TMEM178A: variants seen among roughly 807,000 people sequenced by gnomAD.
TMEM178A encodes the protein transmembrane protein 178A.
TMEM178A carries 12 observed loss-of-function variants against 29.1 expected under a neutral mutation model. That is an observed-to-expected ratio of 0.41 (90% confidence interval 0.26 to 0.67). The LOEUF (loss-of-function observed/expected upper bound fraction) is 0.67. TMEM178A is among the 30% of genes least tolerant of loss of function. The pLI is 0.29. For synonymous variants in TMEM178A, 210 were observed against 187.2 expected, an observed-to-expected ratio of 1.12 and a Z score of -0.99; for missense variants, 366 against 419.1, an observed-to-expected ratio of 0.87 and a Z score of 1.11.
downstream of TMEM178A, among the ~76,000 whole-genome samples, chr2:39,720,746 C>CT (rs1440350878): frequency 6.6e-6 from 1 of 152,160 alleles, no homozygotes; most frequent in African/African-American, 2.4e-5. Flanking sequence ...TAGATAAACT[C>CT]TTTTCTTCCC....
At chr2:39,729,474 G>A in the TMEM178A span, among the ~76,000 whole-genome samples, 1 of 152,156 alleles carries the variant, frequency 6.6e-6, no homozygotes, top group Non-Finnish European at 1.5e-5. Flanking sequence ...TGGAAAATAC[G>A]ATAATTCACC....
At chr2:39,734,408 G>C in the TMEM178A span, among the ~76,000 whole-genome samples, 44 of 152,158 alleles carry the variant, frequency 2.9e-4, 1 homozygote, top group African/African-American at 9.9e-4. Context: ...CTCTTCTCCT[G>C]CCAACCTCTC....
downstream of TMEM178A, among the ~76,000 whole-genome samples, chr2:39,722,359 A>G (rs1672722058): frequency 3.3e-5 from 5 of 152,204 alleles, no homozygotes; most frequent in Admixed American, 2.0e-4. Flanking sequence ...GCTAAGTTTT[A>G]TGGTTAACTC....
intron 1 of TMEM178A, chr2:39,697,881 A>C (rs1299652635): frequency 2.6e-5 from 4 of 152,120 alleles, no homozygotes; most frequent in African/African-American, 9.7e-5. Context: ...GGGACCACAC[A>C]TTTCCCTAGC....
chr2:39,705,456 A>G (rs1671983273), intron 2 of TMEM178A, among the ~76,000 whole-genome samples: 1 of 152,232 alleles, frequency 6.6e-6, no homozygotes, highest in Non-Finnish European at 1.5e-5. Context: ...TGACTGAACC[A>G]TACTACATTT....
chr2:39,674,813 T>C (rs2148057835), intron 1 of TMEM178A, among the ~76,000 whole-genome samples: 1 of 152,352 alleles, frequency 6.6e-6, no homozygotes, highest in Non-Finnish European at 1.5e-5. Context: ...AAGTCTTGTA[T>C]TCCTTTCTCT....
At chr2:39,696,865 G>A (rs886767675) in intron 1 of TMEM178A, among the ~76,000 whole-genome samples, 6 of 152,018 alleles carry the variant, frequency 3.9e-5, no homozygotes, top group Non-Finnish European at 8.8e-5. Flanking sequence ...GCTCTACTTG[G>A]CCCTTTAAGA....
At chr2:39,707,229 G>A (rs776698588) in intron 3 of TMEM178A, 43 bp downstream of exon 3, 28 of 1,562,020 alleles carry the variant, frequency 1.8e-5, no homozygotes, top group Non-Finnish European at 2.2e-5. Context: ...CCAAGGTGAA[G>A]GCTGCTCTGC....
the TMEM178A span, among the ~76,000 whole-genome samples, chr2:39,723,113 C>T: frequency 6.6e-6 from 1 of 152,196 alleles, no homozygotes; most frequent in African/African-American, 2.4e-5. Flanking sequence ...AATCATAAAA[C>T]ACCTTTTATT....
At chr2:39,733,040 T>C in the TMEM178A span, among the ~76,000 whole-genome samples, 3,442 of 152,270 alleles carry the variant, frequency 0.023, 103 homozygotes, top group East Asian at 0.076. Flanking sequence ...CCTTACTCCA[T>C]GGATCAGAAA....
At chr2:39,680,840 G>C (rs1032631050) in intron 1 of TMEM178A, among the ~76,000 whole-genome samples, 1 of 152,122 alleles carries the variant, frequency 6.6e-6, no homozygotes, top group African/African-American at 2.4e-5. Context: ...TTCATGTGAA[G>C]ACAAAGAGAA....
chr2:39,666,398 T>C, intron 1 of TMEM178A, 24 bp downstream of exon 1: 1 of 1,318,286 alleles, frequency 7.6e-7, no homozygotes, highest in South Asian at 2.0e-5. Context: ...GCACCCCGCG[T>C]CCCCGGCGCC....
intron 1 of TMEM178A, among the ~76,000 whole-genome samples, chr2:39,691,729 A>G (rs933901174): frequency 2.8e-4 from 42 of 152,174 alleles, no homozygotes; most frequent in African/African-American, 9.6e-4. Context: ...AATATTCACA[A>G]TAGCCAAGAA....
intron 1 of TMEM178A, among the ~76,000 whole-genome samples, chr2:39,689,592 TA>T (rs1464049857): frequency 6.6e-6 from 1 of 152,204 alleles, no homozygotes; most frequent in Non-Finnish European, 1.5e-5. Flanking sequence ...AGTTTTTGTT[TA>T]ATGTGTACAG....
intron 3 of TMEM178A, among the ~76,000 whole-genome samples, chr2:39,716,470 T>A (rs1672540601): frequency 6.6e-6 from 1 of 152,174 alleles, no homozygotes; most frequent in Admixed American, 6.5e-5. Flanking sequence ...AGACTGTGCC[T>A]TAACAAAAAA....
intron 2 of TMEM178A, among the ~76,000 whole-genome samples, chr2:39,706,597 C>A (rs965492365): frequency 6.6e-6 from 1 of 151,832 alleles, no homozygotes; most frequent in African/African-American, 2.4e-5. Flanking sequence ...TTAAGTACAG[C>A]CACTACCAGG....
chr2:39,678,553 G>T (rs1487825433), intron 1 of TMEM178A, among the ~76,000 whole-genome samples: 6 of 152,132 alleles, frequency 3.9e-5, no homozygotes, highest in Admixed American at 3.3e-4. Context: ...AGAAAACAGG[G>T]AGGGGATAAT....
intron 3 of TMEM178A, among the ~76,000 whole-genome samples, chr2:39,709,304 G>T (rs1426352544): frequency 6.6e-6 from 1 of 152,216 alleles, no homozygotes; most frequent in Admixed American, 6.5e-5. Context: ...GCTGCAATTG[G>T]CAGTGATCTG....
At chr2:39,728,770 C>T in the TMEM178A span, among the ~76,000 whole-genome samples, 1 of 151,998 alleles carries the variant, frequency 6.6e-6, no homozygotes, top group Admixed American at 6.6e-5. Context: ...ACAGAGTCCA[C>T]CCCTACACGT....
Sources: allele counts gnomAD v4.1 joint callset (sites outside exome capture counted in the v4.1 genomes callset), GRCh38; gene constraint gnomAD v4.1.1; transcripts MANE v1.5; gene names NCBI Gene and HGNC (gene_info 2026-07-23, HGNC 2026-07-21).